The following TUBGCP5 variants were observed in gnomAD, a reference collection of about 807,000 sequenced individuals.
The protein encoded by TUBGCP5 is tubulin gamma complex component 5.
TUBGCP5 carries 98 observed loss-of-function variants against 134.7 expected under a neutral mutation model. That is an observed-to-expected ratio of 0.73 (90% CI 0.62 to 0.86). The LOEUF is 0.86. TUBGCP5 is among the 40% of genes least tolerant of loss of function. TUBGCP5 has a pLI of 0.00. For missense variants in TUBGCP5, 1,150 were observed against 1,244.8 expected, an observed-to-expected ratio of 0.92 and a Z score of 1.15; for synonymous variants, 456 against 431.4, an observed-to-expected ratio of 1.06 and a Z score of -0.71.
chr15:23,016,118 A>G (rs1342445355), intron 13 of TUBGCP5, among the ~76,000 whole-genome samples: 2 of 152,236 alleles, frequency 1.3e-5, no homozygotes, highest in African/African-American at 2.4e-5. Context: ...ATAAACACTC[A>G]ACAAAATCAG....
intron 6 of TUBGCP5, among the ~76,000 whole-genome samples, chr15:23,028,737 T>C (rs1040736697): frequency 2.0e-5 from 3 of 152,114 alleles, no homozygotes; most frequent in Non-Finnish European, 4.4e-5. Flanking sequence ...GACCTAGTCA[T>C]CCAGGAAGCC....
At chr15:23,033,928 T>C (rs1412657878) in intron 3 of TUBGCP5, among the ~76,000 whole-genome samples, 1 of 152,162 alleles carries the variant, frequency 6.6e-6, no homozygotes, top group African/African-American at 2.4e-5. Context: ...TGATTGATTT[T>C]TAAATTGGGA....
downstream of TUBGCP5, chr15:22,997,000 A>G (rs2064114956): frequency 1.3e-5 from 2 of 152,054 alleles, no homozygotes; most frequent in East Asian, 3.9e-4. Flanking sequence ...TTACTAATTT[A>G]AAATGCCTTC....
chr15:23,012,825 G>A (rs8027884), intron 13 of TUBGCP5, among the ~76,000 whole-genome samples: 13,516 of 152,172 alleles, frequency 0.089, 1,072 homozygotes, highest in East Asian at 0.46. Flanking sequence ...ATGCCAGAAG[G>A]GCTGGTTGTG....
chr15:23,004,507 C>G (rs1362882017), intron 19 of TUBGCP5: 1 of 388,024 alleles, frequency 2.6e-6, no homozygotes, highest in Non-Finnish European at 4.6e-6. Context: ...CAGGAAGGGG[C>G]AAGCACATTA....
intron 3 of TUBGCP5, among the ~76,000 whole-genome samples, chr15:23,035,090 G>A (rs2066510215): frequency 6.6e-6 from 1 of 152,034 alleles, no homozygotes; most frequent in African/African-American, 2.4e-5. Context: ...CACTTTGGGA[G>A]GCCAAGGCAG....
intron 13 of TUBGCP5, 63 bp from the exon 14 acceptor site, chr15:23,011,394 T>C (rs570886701): frequency 1.9e-6 from 2 of 1,073,076 alleles, no homozygotes; most frequent in Admixed American, 4.8e-5. Flanking sequence ...AGTAACATTC[T>C]GTTTAATCAT....
At chr15:23,030,416 C>T (rs1389842732) in intron 6 of TUBGCP5, among the ~76,000 whole-genome samples, 2 of 152,120 alleles carry the variant, frequency 1.3e-5, no homozygotes, top group African/African-American at 4.8e-5. Context: ...TGCAGGAATG[C>T]TGCAGACGCC....
At position 22,993,319 on chromosome 15, in the gene TUBGCP5, C is replaced by T. The variant is rs188738268; in HGVS notation, c.*61+3526G>A. Reference sequence around the variant, plus strand: ...TTCACCATGTTGGTCAGGCTGGTCTCGAACTCCTGACCTCGTGATTCGCCT... The same window carrying T: ...TTCACCATGTTGGTCAGGCTGGTCTTGAACTCCTGACCTCGTGATTCGCCT... On this transcript the variant is annotated intron_variant and NMD_transcript_variant, in intron 23 of 23. Transcript: ENST00000614508. Among the ~76,000 whole-genome samples, 949 of 151,886 alleles carry T rather than the reference C, an allele frequency of 6.2e-3. 11 individuals are homozygous for T. Among genetic ancestry groups the T allele is most frequent in the African/African-American group, 0.021 (879 of 41,430 alleles).
rs562125032 is a variant in TUBGCP5, at chr15:22,989,949, G to A, written c.*62-6338C>T. On this transcript the variant is annotated intron_variant and NMD_transcript_variant, in intron 23 of 23. Coordinates refer to the TUBGCP5 transcript ENST00000614508. The stretch of plus-strand genomic sequence containing the variant: ...ACTCCAACCAAGAACCCAACCACAC[G>A]TCTCCCTGGTGCCCGCCTGGATCTC... Among the ~76,000 whole-genome samples, 32 of 152,228 alleles carry A rather than the reference G, an allele frequency of 2.1e-4. No homozygotes were observed. In the East Asian group the frequency reaches 2.1e-3, roughly 10 times the overall value.
At chr15:23,034,691 T>G (rs1417236432) in intron 3 of TUBGCP5, among the ~76,000 whole-genome samples, 1 of 151,894 alleles carries the variant, frequency 6.6e-6, no homozygotes, top group East Asian at 1.9e-4. Context: ...AAACCTCATC[T>G]CTACTAAAAA....
At chr15:23,018,083 C>T (rs542463939) in intron 12 of TUBGCP5, 42 bp from the exon 13 acceptor site, 2 of 1,540,080 alleles carry the variant, frequency 1.3e-6, no homozygotes, top group African/African-American at 2.7e-5. Flanking sequence ...ATTTCTCTTT[C>T]TTAAAAACAG....
Position 23,004,178 on chromosome 15 carries a change from T to A in TUBGCP5, c.2762A>T (p.Lys921Met), listed in dbSNP as rs374084062. The stretch of plus-strand genomic sequence containing the variant: ...AATTTTAATCAATTGATCTAAATCC[T>A]TGGCTTCCTCGACTTGATGTTGAAA... ...LEFQHQVEEA[K>M]DLDQLIKIHY... is the part of the protein sequence containing the mutation. Residue 921 changes from lysine (K) to methionine (M), a missense_variant, in exon 20 of 23, where the codon AAG (lysine) becomes ATG (methionine). Around this residue, in one of 2 missense-constraint regions of TUBGCP5, gnomAD observed 697 missense variants for 850.1 expected, o/e 0.82. Coordinates refer to ENST00000615383, the MANE Select transcript of TUBGCP5 (RefSeq NM_052903.6). 3 of 1,613,344 alleles carry A rather than the reference T, an allele frequency of 1.9e-6. No individual in the cohort carries two copies. The highest frequency in any genetic ancestry group is 2.5e-6 in the Non-Finnish European group (3 of 1,179,792).
At chr15:23,011,447 A>T (rs975590956) in intron 13 of TUBGCP5, 116 bp from the exon 14 acceptor site, 6 of 302,846 alleles carry the variant, frequency 2.0e-5, no homozygotes, top group Non-Finnish European at 3.0e-5. Context: ...CTATATATTT[A>T]TATATAAATA....
chr15:23,015,090 T>C (rs2065237962), intron 13 of TUBGCP5, among the ~76,000 whole-genome samples: 1 of 152,072 alleles, frequency 6.6e-6, no homozygotes, highest in African/African-American at 2.4e-5. Flanking sequence ...TGCTACTGTT[T>C]GTTTTTTGTT....
At chr15:23,018,153 C>G in intron 12 of TUBGCP5, 112 bp from the exon 13 acceptor site, 1 of 1,137,764 alleles carries the variant, frequency 8.8e-7, no homozygotes, top group Non-Finnish European at 1.2e-6. Context: ...TATTAGTAAA[C>G]TGAAGCAAAC....
Position 23,017,764 on chromosome 15 carries a change from A to G in TUBGCP5, c.1756+9T>C, listed in dbSNP as rs1567133579. The G allele has an allele frequency of 9.9e-6, 16 of 1,611,354 alleles. No homozygotes were observed. The highest frequency in any genetic ancestry group is 1.4e-5 in the Non-Finnish European group (16 of 1,178,144). On this transcript the variant is annotated intron_variant, in intron 13 of 22. Coordinates refer to ENST00000615383, the MANE Select transcript of TUBGCP5 (RefSeq NM_052903.6). ...CACCAAGAGAGACACAGGAAGACGG[A>G]ACAAGTACCTCTGGCTCCTGCCTGG...
chr15:22,995,703 G>A (rs1246800103), downstream of TUBGCP5, among the ~76,000 whole-genome samples: 1 of 152,016 alleles, frequency 6.6e-6, no homozygotes, highest in Admixed American at 6.6e-5. Context: ...AATTCAATGA[G>A]TTTTGTCACA....
Position 23,031,966 on chromosome 15 carries a change from GGA to G in TUBGCP5, c.468_469del (p.Pro157ValfsTer9). The G allele has an allele frequency of 6.2e-7, 1 of 1,611,508 alleles. No homozygotes were observed. Among genetic ancestry groups the G allele is most frequent in the Non-Finnish European group, 8.5e-7 (1 of 1,178,658 alleles). On this transcript the variant is annotated frameshift_variant, in exon 5 of 23. Transcript: ENST00000615383. LOFTEE classifies it high-confidence loss of function. ...ACCACTTACTGGTGTGTCCATGTAC[GGA>G]CCAATGTCCATTTCTTCATCTTCCA... is the stretch of plus-strand genomic sequence containing the variant.
Sources: gnomAD v4.1 joint callset for allele counts (sites outside exome capture counted in the v4.1 genomes callset) on GRCh38, gnomAD v4.1.1 for gene constraint, gnomAD v4.1.1 regional missense constraint, MANE v1.5 for transcripts, NCBI Gene and HGNC (gene_info 2026-07-23, HGNC 2026-07-21) for gene names.